The following EXOC6B variants were observed in gnomAD, a reference collection of about 807,000 sequenced individuals.
The protein encoded by EXOC6B is exocyst complex component 6B.
A neutral mutation model predicts 113.5 loss-of-function variants in EXOC6B; 54 were observed. The ratio of observed to expected loss-of-function variants is 0.48; its 90% CI spans 0.38 to 0.60. EXOC6B has a LOEUF of 0.60. Among genes scored for constraint, EXOC6B ranks in the 20% least tolerant of loss-of-function variants. The pLI, the probability that EXOC6B is intolerant of heterozygous loss-of-function variation, is 0.00. For synonymous variants in EXOC6B, 357 were observed against 339.0 expected (o/e 1.05, Z -0.58); for missense variants, 797 against 977.5 (o/e 0.82, Z 2.46).
intron 7 of EXOC6B, among the ~76,000 whole-genome samples, chr2:72,566,604 C>T (rs1485185433): frequency 6.6e-6 from 1 of 152,046 alleles, no homozygotes; most frequent in Non-Finnish European, 1.5e-5. Flanking sequence ...AACTGCTAAA[C>T]TGTTTTCCAA....
chr2:72,442,132 C>G (rs1199673447), intron 18 of EXOC6B, among the ~76,000 whole-genome samples: 1 of 152,030 alleles, frequency 6.6e-6, no homozygotes, highest in African/African-American at 2.4e-5. Flanking sequence ...ATCACATAAA[C>G]AGAACTAAAG....
chr2:72,675,269 G>T (rs1264692004), intron 6 of EXOC6B, among the ~76,000 whole-genome samples: 1 of 152,170 alleles, frequency 6.6e-6, no homozygotes, highest in Admixed American at 6.5e-5. Context: ...ATGAAAAGCT[G>T]AACGAGATCT....
At chr2:72,430,967 C>T (rs557594871) in intron 18 of EXOC6B, among the ~76,000 whole-genome samples, 1 of 152,268 alleles carries the variant, frequency 6.6e-6, no homozygotes, top group East Asian at 1.9e-4. Flanking sequence ...GCTATGGAAA[C>T]ACAGACTGAG....
At chr2:72,279,921 C>T (rs1453355828) in intron 20 of EXOC6B, among the ~76,000 whole-genome samples, 1 of 151,984 alleles carries the variant, frequency 6.6e-6, no homozygotes, top group Admixed American at 6.6e-5. Context: ...AGATTATAGG[C>T]TAAATTTAGA....
intron 7 of EXOC6B, among the ~76,000 whole-genome samples, chr2:72,574,160 G>A (rs934642726): frequency 1.3e-5 from 2 of 150,770 alleles, no homozygotes; most frequent in Non-Finnish European, 1.5e-5. Context: ...GATAGCTCCT[G>A]TTCTATCAAA....
chr2:72,559,435 A>G lies in EXOC6B; in HGVS notation c.915+18T>C. On this transcript the variant is annotated intron_variant, in intron 8 of 21. Coordinates refer to ENST00000272427, the MANE Select transcript of EXOC6B (RefSeq NM_015189.3). ...CTCAATGGACATCTTTATTAGGCAGAGCCAGATAAAGACTCACCAGGACAG... is the reference window on the plus strand; with the variant it reads ...CTCAATGGACATCTTTATTAGGCAGGGCCAGATAAAGACTCACCAGGACAG... The G allele has an allele frequency of 1.3e-6, 2 of 1,526,864 alleles. No individual in the cohort carries two copies. Among genetic ancestry groups the G allele is most frequent in the South Asian group, 1.3e-5 (1 of 76,004 alleles). 94.6% of individuals were successfully genotyped at this position (1,526,864 alleles called of 1,614,324 possible). A position where few individuals can be genotyped will look rare whatever the true frequency, so the allele number is the denominator to read the frequency against.
At chr2:72,241,859 A>C (rs949102493) in intron 20 of EXOC6B, among the ~76,000 whole-genome samples, 3 of 152,164 alleles carry the variant, frequency 2.0e-5, no homozygotes, top group Non-Finnish European at 2.9e-5. Context: ...AGAAATTTTA[A>C]AAGAAGTTCT....
At chr2:72,718,790 T>C (rs1025657207) in intron 5 of EXOC6B, among the ~76,000 whole-genome samples, 2 of 152,096 alleles carry the variant, frequency 1.3e-5, no homozygotes, top group Non-Finnish European at 2.9e-5. Flanking sequence ...AGGTTTCAGT[T>C]AGCCAAGATC....
intron 20 of EXOC6B, among the ~76,000 whole-genome samples, chr2:72,208,488 G>A (rs939259387): frequency 2.0e-5 from 3 of 152,118 alleles, no homozygotes; most frequent in Non-Finnish European, 4.4e-5. Context: ...ATCCACTACT[G>A]ATGGGCACCT....
chr2:72,587,487 A>G (rs577471272), intron 6 of EXOC6B, among the ~76,000 whole-genome samples: 1 of 152,324 alleles, frequency 6.6e-6, no homozygotes, highest in South Asian at 2.1e-4. Context: ...TATCTGAGTG[A>G]CAGGATCATT....
In EXOC6B at chr2:72,731,294, A is replaced by T. The variant is rs556472558; in HGVS notation, c.328-49T>A. On this transcript the variant is annotated intron_variant, in intron 3 of 21. Transcript: ENST00000272427. ...AATTATGCCTATGGCTGTAAATAAA[A>T]AGCTTTCAGTCACATTTTTCCACAC... 10 of 1,422,682 alleles carry T rather than the reference A, an allele frequency of 7.0e-6. No individual in the cohort carries two copies. In the South Asian group the frequency reaches 1.2e-4, roughly 17 times the overall value. 88.1% of individuals were successfully genotyped at this position (1,422,682 alleles called of 1,614,324 possible).
At chr2:72,771,504 G>A (rs1435147808) in intron 1 of EXOC6B, among the ~76,000 whole-genome samples, 3 of 152,078 alleles carry the variant, frequency 2.0e-5, no homozygotes, top group Non-Finnish European at 4.4e-5. Context: ...CTAACCCACA[G>A]TCCAAATTCC....
At chr2:72,659,491 A>G (rs951870771) in intron 6 of EXOC6B, among the ~76,000 whole-genome samples, 2 of 152,046 alleles carry the variant, frequency 1.3e-5, no homozygotes, top group Non-Finnish European at 2.9e-5. Flanking sequence ...TAACAGCTAT[A>G]TTTTATTTCC....
At position 72,804,957 on chromosome 2, in the gene EXOC6B, A is replaced by G. The variant is rs193148805; in HGVS notation, c.113+20841T>C. ...CATCTCCATACATGATTGCCCTTAG[A>G]GATTAGCCAACTGACGAAACCAAGG... On this transcript the variant is annotated intron_variant, in intron 1 of 21. Coordinates refer to ENST00000272427, the MANE Select transcript of EXOC6B (RefSeq NM_015189.3). 2.3e-3 allele frequency among the ~76,000 whole-genome samples: 350 copies of G among 152,306 alleles called. 1 individual carries two copies. The highest frequency in any genetic ancestry group is 7.9e-3 in the African/African-American group (328 of 41,570).
At chr2:72,549,491 G>A (rs934895728) in intron 8 of EXOC6B, among the ~76,000 whole-genome samples, 3 of 152,126 alleles carry the variant, frequency 2.0e-5, no homozygotes, top group Admixed American at 1.3e-4. Flanking sequence ...AAACCCAAGA[G>A]TTTATGTTTC....
chr2:72,196,709 A>C (rs1197479545), intron 20 of EXOC6B, among the ~76,000 whole-genome samples: 1 of 152,210 alleles, frequency 6.6e-6, no homozygotes, highest in Non-Finnish European at 1.5e-5. Context: ...ACTAGTTCCC[A>C]GGAAGACGAT....
Position 72,389,091 on chromosome 2 carries a change from T to C in EXOC6B, c.1981-9221A>G, listed in dbSNP as rs534391078. Among the ~76,000 whole-genome samples, 17 of 152,250 alleles carry C rather than the reference T, an allele frequency of 1.1e-4. No homozygotes were observed. The South Asian group carries it at 3.1e-3, about 28-fold the overall frequency. On this transcript the variant is annotated intron_variant, in intron 18 of 21. Coordinates refer to ENST00000272427, the MANE Select transcript of EXOC6B (RefSeq NM_015189.3). ...AGTACGATTGGATTTAAATCTATTA[T>C]GTTGATCTTAGTTGTCTTTTTGTCT...
At chr2:72,281,575 C>T (rs1685134369) in intron 20 of EXOC6B, among the ~76,000 whole-genome samples, 1 of 152,074 alleles carries the variant, frequency 6.6e-6, no homozygotes, top group Non-Finnish European at 1.5e-5. Context: ...CTGGTGAGTA[C>T]AAAATGTCTA....
At chr2:72,555,244 GATT>G (rs1221426310) in intron 8 of EXOC6B, among the ~76,000 whole-genome samples, 2 of 152,208 alleles carry the variant, frequency 1.3e-5, no homozygotes, top group South Asian at 2.1e-4. Context: ...ATAGTAGCAT[GATT>G]TATAATCCTT....
Sources: gnomAD v4.1 joint callset for allele counts (sites outside exome capture counted in the v4.1 genomes callset) on GRCh38, gnomAD v4.1.1 for gene constraint, MANE v1.5 for transcripts, NCBI Gene and HGNC (gene_info 2026-07-23, HGNC 2026-07-21) for gene names.